The following SLC1A3 variants were observed in gnomAD, a reference collection of about 807,000 sequenced individuals.
The protein encoded by SLC1A3 is solute carrier family 1 member 3, also known as excitatory amino acid transporter 1.
In SLC1A3, 21 loss-of-function variants were observed where a neutral mutation model predicts 48.1. The observed-to-expected ratio is 0.44, with a 90% confidence interval of 0.31 to 0.63. The LOEUF (loss-of-function observed/expected upper bound fraction) is 0.63. Among genes scored for constraint, SLC1A3 ranks in the 20% least tolerant of loss-of-function variants. The probability of loss-of-function intolerance (pLI) is 0.08; values close to 1 mark genes in which losing one functional copy is unlikely to be tolerated. For missense variants in SLC1A3, 546 were observed against 689.0 expected, an observed-to-expected ratio of 0.79 and a Z score of 2.32; for synonymous variants, 239 against 251.4, an observed-to-expected ratio of 0.95 and a Z score of 0.47.
intron 2 of SLC1A3, among the ~76,000 whole-genome samples, chr5:36,622,876 G>GTGGCA (rs1334785866): frequency 2.6e-5 from 4 of 151,892 alleles, no homozygotes; most frequent in African/African-American, 9.7e-5. Context: ...GCCGGGTGTG[G>GTGGCA]TGGCAGGCGC....
intron 3 of SLC1A3, among the ~76,000 whole-genome samples, chr5:36,643,355 A>G (rs989492534): frequency 6.6e-6 from 1 of 152,090 alleles, no homozygotes; most frequent in Non-Finnish European, 1.5e-5. Flanking sequence ...TCATCTTTTT[A>G]TCAGGGTGGG....
In SLC1A3 at chr5:36,608,569, C is replaced by T. The variant is rs1739060017; in HGVS notation, c.146C>T (p.Ala49Val). ...EDVKSYLFRN[A>V]FVLLTVTAVI... The stretch of plus-strand genomic sequence containing the variant: ...GTTAAAAGTTACCTGTTTCGGAATG[C>T]TTTTGTGCTGCTCACAGTCACCGCT... Residue 49 changes from alanine (A) to valine (V), a missense_variant, in exon 2 of 10, where the codon GCT becomes GTT. Around this residue, in one of 3 missense-constraint regions of SLC1A3, gnomAD observed 348 missense variants for 392.0 expected, o/e 0.89. Transcript: ENST00000265113. 1.9e-6 allele frequency: 3 copies of T among 1,613,994 alleles called. No homozygotes were observed. The highest frequency in any genetic ancestry group is 2.5e-6 in the Non-Finnish European group (3 of 1,179,914).
chr5:36,637,546 A>T (rs190830648), intron 3 of SLC1A3, among the ~76,000 whole-genome samples: 2 of 152,328 alleles, frequency 1.3e-5, no homozygotes, highest in Admixed American at 6.5e-5. Context: ...AGAAAGGAAA[A>T]TTTAAAGCTT....
At chr5:36,625,123 G>T (rs1739850964) in intron 2 of SLC1A3, among the ~76,000 whole-genome samples, 1 of 152,208 alleles carries the variant, frequency 6.6e-6, no homozygotes, top group African/African-American at 2.4e-5. Context: ...ATAAGCCTGA[G>T]CAAGTTAACT....
At chr5:36,686,034 C>T (rs535080961) in intron 9 of SLC1A3, 31 bp from the exon 10 acceptor site, 22 of 1,592,482 alleles carry the variant, frequency 1.4e-5, no homozygotes, top group African/African-American at 1.1e-4. Context: ...ACGGGAGCCT[C>T]GTTTTTCCCT....
rs78125019 is a variant in SLC1A3, at chr5:36,675,666, G to T, written c.568-1226G>T. 4.3e-3 allele frequency among the ~76,000 whole-genome samples: 656 copies of T among 152,274 alleles called. 6 individuals are homozygous for T. Among genetic ancestry groups the T allele is most frequent in the African/African-American group, 0.015 (626 of 41,556 alleles). ...CCTGGACAATCCATAAAATGCATAAGGACCCAACGGAATAAAGAAATTTGA... is the reference window on the plus strand; with the variant it reads ...CCTGGACAATCCATAAAATGCATAATGACCCAACGGAATAAAGAAATTTGA... On this transcript the variant is annotated intron_variant, in intron 5 of 9. Coordinates refer to ENST00000265113, the MANE Select transcript of SLC1A3 (RefSeq NM_004172.5).
Position 36,679,752 on chromosome 5 carries a change from C to T in SLC1A3, c.986C>T (p.Ala329Val). The change falls in exon 7 of 10, where the codon GCA becomes GTA. Residue 329 changes from alanine to valine, a missense_variant. Coordinates refer to ENST00000265113, the MANE Select transcript of SLC1A3 (RefSeq NM_004172.5). ...GTCATTGTTGGCTTACTCATTCACG[C>T]AGTCATCGTCTTGCCACTCCTCTAC... is the stretch of plus-strand genomic sequence containing the variant. ...VTVIVGLLIH[A>V]VIVLPLLYFL... 5.6e-6 allele frequency: 9 copies of T among 1,614,088 alleles called. No individual in the cohort carries two copies. The highest frequency in any genetic ancestry group is 7.6e-6 in the Non-Finnish European group (9 of 1,179,954).
upstream of SLC1A3, chr5:36,606,225 C>T (rs1248835934): frequency 6.6e-6 from 1 of 152,224 alleles, no homozygotes; most frequent in Non-Finnish European, 1.5e-5. Flanking sequence ...GTTGTACAAC[C>T]AGGCTAAAGA....
At chr5:36,613,899 C>T (rs1289118397) in intron 2 of SLC1A3, among the ~76,000 whole-genome samples, 1 of 152,138 alleles carries the variant, frequency 6.6e-6, no homozygotes, top group Non-Finnish European at 1.5e-5. Flanking sequence ...AAAAAAAATA[C>T]AGAAAAATTG....
chr5:36,684,619 A>G (rs2111985543), intron 9 of SLC1A3, among the ~76,000 whole-genome samples: 1 of 152,338 alleles, frequency 6.6e-6, no homozygotes, highest in East Asian at 1.9e-4. Context: ...TTTCTCTTAA[A>G]AATTTCCTTC....
intron 1 of SLC1A3, among the ~76,000 whole-genome samples, chr5:36,597,132 G>A (rs1738751288): frequency 6.7e-6 from 1 of 149,548 alleles, no homozygotes; most frequent in African/African-American, 2.5e-5. Flanking sequence ...GTTACTGCTC[G>A]TTCTGCCAGG....
intron 3 of SLC1A3, among the ~76,000 whole-genome samples, chr5:36,636,928 G>C (rs915331517): frequency 7.2e-5 from 11 of 152,224 alleles, no homozygotes; most frequent in Admixed American, 7.2e-4. Context: ...ATTCTTAGGT[G>C]GTCTCAACTA....
chr5:36,685,168 AAAAT>A (rs1742594834), intron 9 of SLC1A3, among the ~76,000 whole-genome samples: 1 of 152,274 alleles, frequency 6.6e-6, no homozygotes, highest in Admixed American at 6.5e-5. Flanking sequence ...TTCATAAAAT[AAAAT>A]AATGGAATGA....
chr5:36,622,223 C>T (rs1026746786), intron 2 of SLC1A3, among the ~76,000 whole-genome samples: 2 of 152,276 alleles, frequency 1.3e-5, no homozygotes, highest in Middle Eastern at 3.4e-3. Context: ...TTAGTTTTCT[C>T]GTGGTTGGCC....
In SLC1A3 at chr5:36,638,957, C is replaced by T. The variant is rs562911794; in HGVS notation, c.319+9370C>T. Among the ~76,000 whole-genome samples the T allele has an allele frequency of 1.4e-4, 22 of 152,304 alleles. No homozygotes were observed. The East Asian group carries it at 3.9e-3, about 27-fold the overall frequency. ...CTGGGATTATAGGCATGAGTCACCG[C>T]GCCTGGCTAGTTATTTTTAATCACA... On this transcript the variant is annotated intron_variant, in intron 3 of 9. Coordinates refer to ENST00000265113, the MANE Select transcript of SLC1A3 (RefSeq NM_004172.5).
intron 1 of SLC1A3, among the ~76,000 whole-genome samples, chr5:36,598,852 T>G (rs1335721592): frequency 6.6e-6 from 1 of 152,138 alleles, no homozygotes; most frequent in Non-Finnish European, 1.5e-5. Flanking sequence ...GATCTCAAAC[T>G]CCTGCACTCA....
chr5:36,608,916 C>A, intron 2 of SLC1A3: 1 of 1,079,380 alleles, frequency 9.3e-7, no homozygotes, highest in Non-Finnish European at 1.1e-6. Context: ...CATGACAAAG[C>A]AAGCATGCTA....
intron 3 of SLC1A3, among the ~76,000 whole-genome samples, chr5:36,643,315 ACTT>A (rs1740694753): frequency 1.3e-5 from 2 of 152,104 alleles, no homozygotes; most frequent in Non-Finnish European, 2.9e-5. Context: ...TCTTACCAAC[ACTT>A]CTTATTATCT....
At chr5:36,646,335 T>C (rs916479321) in intron 3 of SLC1A3, among the ~76,000 whole-genome samples, 13 of 152,374 alleles carry the variant, frequency 8.5e-5, no homozygotes, top group African/African-American at 3.1e-4. Context: ...GTTTCCTCTG[T>C]GTGTTTTGCT....
Sources: gnomAD v4.1 joint callset for allele counts (sites outside exome capture counted in the v4.1 genomes callset) on GRCh38, gnomAD v4.1.1 for gene constraint, gnomAD v4.1.1 regional missense constraint, MANE v1.5 for transcripts, NCBI Gene and HGNC (gene_info 2026-07-23, HGNC 2026-07-21) for gene names.